The following CLCN3 variants were observed in gnomAD, a reference collection of about 807,000 sequenced individuals.
CLCN3 encodes H(+)/Cl(-) exchange transporter 3.
A neutral mutation model predicts 83.4 loss-of-function variants in CLCN3; 16 were observed. That is an observed-to-expected ratio of 0.19 (90% CI 0.13 to 0.29). The LOEUF (loss-of-function observed/expected upper bound fraction) is 0.29. Ranked by LOEUF, CLCN3 falls within the 10% of genes least tolerant of loss-of-function variation. The pLI, the probability that CLCN3 is intolerant of heterozygous loss-of-function variation, is 1.00. For missense variants in CLCN3, 544 were observed against 1,006.0 expected, an observed-to-expected ratio of 0.54 and a Z score of 6.21; for synonymous variants, 322 against 346.2, an observed-to-expected ratio of 0.93 and a Z score of 0.78.
In CLCN3 at chr4:169,680,141, A is replaced by C. The variant is rs1434103541; in HGVS notation, c.252A>C (p.Thr84=). 1 of 1,613,232 alleles carries C rather than the reference A, an allele frequency of 6.2e-7. No homozygotes were observed. The highest frequency in any genetic ancestry group is 1.3e-5 in the African/African-American group (1 of 74,914). The change falls in exon 3 of 13, where the codon ACA becomes ACC. Residue 84 remains threonine, a synonymous_variant. Coordinates refer to ENST00000513761, the MANE Select transcript of CLCN3 (RefSeq NM_001829.4). ...ATGAACCAATTCCAGGTGTTGGTAC[A>C]TATGATGATTTCCATACTATTGATT... ...LLDEPIPGVG[T]YDDFHTIDWV...
At chr4:169,679,718 A>G (rs1364044437) in intron 2 of CLCN3, among the ~76,000 whole-genome samples, 4 of 152,178 alleles carry the variant, frequency 2.6e-5, no homozygotes, top group African/African-American at 4.8e-5. Flanking sequence ...GCAAAACCCC[A>G]TCTCCACCAA....
At chr4:169,664,919 T>G (rs566762883) in intron 2 of CLCN3, among the ~76,000 whole-genome samples, 152 of 152,326 alleles carry the variant, frequency 1.0e-3, no homozygotes, top group African/African-American at 3.5e-3. Flanking sequence ...TGCAGGAGAC[T>G]GGTAGTTTAA....
chr4:169,701,317 C>T (rs1028246145), intron 9 of CLCN3, among the ~76,000 whole-genome samples: 1 of 152,146 alleles, frequency 6.6e-6, no homozygotes, highest in African/African-American at 2.4e-5. Flanking sequence ...CTTTAGGCTA[C>T]GCTTATCATT....
chr4:169,625,474 C>T (rs1773211678), intron 1 of CLCN3, among the ~76,000 whole-genome samples: 1 of 152,170 alleles, frequency 6.6e-6, no homozygotes, highest in Non-Finnish European at 1.5e-5. Context: ...TTTTGCTCCC[C>T]TCCCCAAATT....
rs1440126686 is a variant in CLCN3 at position 169,692,182 on chromosome 4, C to G, written c.798C>G (p.Thr266=). 3.1e-6 allele frequency: 5 copies of G among 1,612,096 alleles called. No homozygotes were observed. The highest frequency in any genetic ancestry group is 2.7e-5 in the African/African-American group (2 of 74,838). Residue 266 remains threonine, a synonymous_variant, in exon 7 of 13, where the codon ACC becomes ACG. Coordinates refer to ENST00000513761, the MANE Select transcript of CLCN3 (RefSeq NM_001829.4). ...YLGKWTLMIK[T]ITLVLAVASG... is the part of the protein sequence containing the mutation. ...GAAAATGGACTTTAATGATTAAAAC[C>G]ATCACATTAGTCCTGGCTGTGGCAT...
intron 1 of CLCN3, among the ~76,000 whole-genome samples, chr4:169,634,403 T>C (rs961889986): frequency 6.6e-6 from 1 of 152,242 alleles, no homozygotes; most frequent in Admixed American, 6.5e-5. Context: ...ATTCTTAAGC[T>C]ATTAATGTTT....
At chr4:169,649,023 TAA>T (rs34046047) in intron 2 of CLCN3, among the ~76,000 whole-genome samples, 231 of 136,970 alleles carry the variant, frequency 1.7e-3, no homozygotes, top group Admixed American at 1.8e-3. Flanking sequence ...GGAGAATATC[TAA>T]AAAAAAAAAA....
At chr4:169,683,076 CT>C (rs1404622337) in intron 3 of CLCN3, among the ~76,000 whole-genome samples, 2 of 152,078 alleles carry the variant, frequency 1.3e-5, no homozygotes, top group African/African-American at 4.8e-5. Flanking sequence ...TACATTTGTA[CT>C]TAGAAGTATA....
chr4:169,710,002 C>T (rs1733148420), intron 11 of CLCN3, among the ~76,000 whole-genome samples: 3 of 152,030 alleles, frequency 2.0e-5, no homozygotes, highest in Non-Finnish European at 4.4e-5. Flanking sequence ...AACGCTGATG[C>T]AGGAGGATCC....
At chr4:169,703,233 A>C (rs943006561) in intron 9 of CLCN3, among the ~76,000 whole-genome samples, 1 of 152,252 alleles carries the variant, frequency 6.6e-6, no homozygotes, top group Non-Finnish European at 1.5e-5. Flanking sequence ...GTGCTGATGG[A>C]CTAGCTTGAT....
chr4:169,711,473 C>T (rs1321933671), intron 11 of CLCN3, among the ~76,000 whole-genome samples: 1 of 152,176 alleles, frequency 6.6e-6, no homozygotes, highest in Non-Finnish European at 1.5e-5. Flanking sequence ...AAGCGATTCT[C>T]CTGCCTCAGC....
Position 169,648,890 on chromosome 4 carries a change from G to A in CLCN3, c.160+12802G>A, listed in dbSNP as rs573977227. 3.3e-5 allele frequency among the ~76,000 whole-genome samples: 5 copies of A among 152,172 alleles called. No individual in the cohort carries two copies. The South Asian group carries it at 8.3e-4, about 25-fold the overall frequency. Reference sequence around the variant, plus strand: ...AAAAATACAAAAGTTAGCCAGGTGTGGTGGTGCACACCTGTAATCCCAGCT... The same window carrying A: ...AAAAATACAAAAGTTAGCCAGGTGTAGTGGTGCACACCTGTAATCCCAGCT... On this transcript the variant is annotated intron_variant, in intron 2 of 12. Coordinates refer to ENST00000513761, the MANE Select transcript of CLCN3 (RefSeq NM_001829.4).
chr4:169,621,608 G>A (rs1471336727), intron 1 of CLCN3, among the ~76,000 whole-genome samples: 1 of 152,148 alleles, frequency 6.6e-6, no homozygotes, highest in Non-Finnish European at 1.5e-5. Flanking sequence ...CCTTTAGAAA[G>A]AAATTCCTGT....
chr4:169,702,039 A>G (rs1732802839), intron 9 of CLCN3, among the ~76,000 whole-genome samples: 1 of 152,198 alleles, frequency 6.6e-6, no homozygotes, highest in Admixed American at 6.5e-5. Context: ...CTAAATGTGC[A>G]TGCTTGAGCC....
At chr4:169,714,737 T>A (rs1372231159) in intron 12 of CLCN3, among the ~76,000 whole-genome samples, 1 of 152,128 alleles carries the variant, frequency 6.6e-6, no homozygotes, top group Non-Finnish European at 1.5e-5. Context: ...CTGCGCTAAT[T>A]AAAATAACTC....
intron 2 of CLCN3, among the ~76,000 whole-genome samples, chr4:169,653,426 G>A (rs1730790405): frequency 6.6e-6 from 1 of 151,996 alleles, no homozygotes; most frequent in Non-Finnish European, 1.5e-5. Context: ...GATCACCTGA[G>A]GTCAAGAATT....
At chr4:169,696,473 A>G (rs1311490491) in intron 8 of CLCN3, among the ~76,000 whole-genome samples, 1 of 152,170 alleles carries the variant, frequency 6.6e-6, no homozygotes, top group African/African-American at 2.4e-5. Flanking sequence ...ATGTGTCTAT[A>G]CATGTATACA....
At chr4:169,681,987 T>C (rs931939994) in intron 3 of CLCN3, among the ~76,000 whole-genome samples, 1 of 152,200 alleles carries the variant, frequency 6.6e-6, no homozygotes, top group African/African-American at 2.4e-5. Flanking sequence ...ATTTTAATAG[T>C]CTTTTAAGAT....
At chr4:169,678,985 C>T (rs1200198503) in intron 2 of CLCN3, among the ~76,000 whole-genome samples, 6 of 151,888 alleles carry the variant, frequency 4.0e-5, no homozygotes, top group South Asian at 4.2e-4. Flanking sequence ...CCACACTGGG[C>T]GGCCGGGCGG....
Sources: gnomAD v4.1 joint callset for allele counts (sites outside exome capture counted in the v4.1 genomes callset) on GRCh38, gnomAD v4.1.1 for gene constraint, MANE v1.5 for transcripts, NCBI Gene and HGNC (gene_info 2026-07-23, HGNC 2026-07-21) for gene names.